The following SRD5A2 variants were observed in gnomAD, a reference collection of about 807,000 sequenced individuals.
SRD5A2 encodes 3-oxo-5-alpha-steroid 4-dehydrogenase 2.
In SRD5A2, 30 loss-of-function variants were observed where a neutral mutation model predicts 27.4. That is an observed-to-expected ratio of 1.10 (90% CI 0.82 to 1.49). The LOEUF is 1.49. Ranked by LOEUF, SRD5A2 falls within the 40% of genes most tolerant of loss-of-function variation. The pLI is 0.00. For missense variants in SRD5A2, 348 were observed against 323.4 expected (o/e 1.08, Z -0.58); for synonymous variants, 141 against 133.6 (o/e 1.06, Z -0.38).
At chr2:31,637,262 G>T in the SRD5A2 span, among the ~76,000 whole-genome samples, 1 of 151,994 alleles carries the variant, frequency 6.6e-6, no homozygotes, top group Non-Finnish European at 1.5e-5. Flanking sequence ...TTGGTTTGTA[G>T]TGGCTCATAA....
the SRD5A2 span, among the ~76,000 whole-genome samples, chr2:31,650,278 T>C: frequency 1.3e-5 from 2 of 152,088 alleles, no homozygotes; most frequent in East Asian, 3.9e-4. Context: ...TTTGTATTTA[T>C]AGATGGACAC....
the SRD5A2 span, among the ~76,000 whole-genome samples, chr2:31,636,690 C>T: frequency 6.6e-6 from 1 of 151,830 alleles, no homozygotes; most frequent in South Asian, 2.1e-4. Context: ...AAAGGGGTGC[C>T]GAATTTTATC....
At chr2:31,596,035 A>C in the SRD5A2 span, among the ~76,000 whole-genome samples, 2 of 152,162 alleles carry the variant, frequency 1.3e-5, no homozygotes. Flanking sequence ...CAGCAAAATC[A>C]GCATAGAAGA....
rs368886184 is a variant in SRD5A2, at chr2:31,580,602, G to A, written c.281+18C>T. On this transcript the variant is annotated intron_variant, in intron 1 of 4. Transcript: ENST00000622030. ...GGGCAGTGCGCTGCACTGGGCGCCCGCAAGGGAAAAACGCTACCTGTGGAA... is the reference window on the plus strand; with the variant it reads ...GGGCAGTGCGCTGCACTGGGCGCCCACAAGGGAAAAACGCTACCTGTGGAA... 83 of 1,516,518 alleles carry A rather than the reference G, an allele frequency of 5.5e-5. No homozygotes were observed. The highest frequency in any genetic ancestry group is 6.7e-5 in the Non-Finnish European group (76 of 1,135,870). 93.9% of individuals were successfully genotyped at this position (1,516,518 alleles called of 1,614,324 possible).
chr2:31,580,597 C>T (rs61750393), intron 1 of SRD5A2, 23 bp downstream of exon 1: 4 of 1,505,720 alleles, frequency 2.7e-6, no homozygotes, highest in East Asian at 2.4e-5. Context: ...CTGCACTGGG[C>T]GCCCGCAAGG....
chr2:31,662,890 G>A, the SRD5A2 span, among the ~76,000 whole-genome samples: 1 of 152,218 alleles, frequency 6.6e-6, no homozygotes, highest in East Asian at 1.9e-4. Context: ...GCCACTTGGT[G>A]ATCTGATTGG....
intron 1 of SRD5A2, among the ~76,000 whole-genome samples, chr2:31,562,225 T>C (rs979524022): frequency 1.1e-4 from 16 of 152,144 alleles, no homozygotes; most frequent in Non-Finnish European, 1.9e-4. Context: ...GTCTTTTTTT[T>C]CCTTTTTAAA....
chr2:31,629,431 T>C, the SRD5A2 span, among the ~76,000 whole-genome samples: 1 of 152,188 alleles, frequency 6.6e-6, no homozygotes, highest in Non-Finnish European at 1.5e-5. Flanking sequence ...TGGACCACTT[T>C]TGCTTGCTAT....
chr2:31,658,148 G>A, the SRD5A2 span, among the ~76,000 whole-genome samples: 3 of 151,980 alleles, frequency 2.0e-5, no homozygotes, highest in Non-Finnish European at 4.4e-5. Context: ...AAACAATTAA[G>A]GCAGAAATCA....
chr2:31,595,432 TG>T, the SRD5A2 span, among the ~76,000 whole-genome samples: 8 of 152,134 alleles, frequency 5.3e-5, no homozygotes, highest in African/African-American at 1.9e-4. Context: ...AACACTTCTA[TG>T]TGCATAAACT....
At chr2:31,551,769 A>G (rs1159064514) in intron 1 of SRD5A2, among the ~76,000 whole-genome samples, 2 of 152,228 alleles carry the variant, frequency 1.3e-5, no homozygotes. Context: ...AAAAAAAGTC[A>G]GAGTTCCTAT....
chr2:31,551,693 G>T (rs551037582), intron 1 of SRD5A2, among the ~76,000 whole-genome samples: 4 of 152,212 alleles, frequency 2.6e-5, no homozygotes, highest in African/African-American at 9.6e-5. Context: ...AAGTAGAACT[G>T]TTGAATTTCA....
At chr2:31,585,075 G>C (rs2148110300), upstream of SRD5A2, among the ~76,000 whole-genome samples, 1 of 152,300 alleles carries the variant, frequency 6.6e-6, no homozygotes, top group Non-Finnish European at 1.5e-5. Flanking sequence ...ACAAAGTTCA[G>C]CTGATGCCCA....
chr2:31,575,568 G>A (rs1666942390), intron 1 of SRD5A2, among the ~76,000 whole-genome samples: 1 of 152,152 alleles, frequency 6.6e-6, no homozygotes, highest in African/African-American at 2.4e-5. Context: ...GAAGGATGAG[G>A]AGAAATTCCG....
intron 1 of SRD5A2, among the ~76,000 whole-genome samples, chr2:31,580,417 G>A (rs1667047719): frequency 6.6e-6 from 1 of 152,198 alleles, no homozygotes; most frequent in South Asian, 2.1e-4. Flanking sequence ...CGGCGTCTGT[G>A]CCGCAGCCGC....
intron 1 of SRD5A2, among the ~76,000 whole-genome samples, chr2:31,536,880 C>T (rs1042223460): frequency 4.6e-5 from 7 of 152,148 alleles, no homozygotes; most frequent in African/African-American, 1.7e-4. Context: ...TTACCTCCTA[C>T]ACCTCTAATG....
intron 4 of SRD5A2, 122 bp downstream of exon 4, chr2:31,529,185 G>C: frequency 7.3e-7 from 1 of 1,362,206 alleles, no homozygotes. Context: ...CCAGATTATA[G>C]TATCAACCTT....
At chr2:31,557,099 T>G (rs565204532) in intron 1 of SRD5A2, among the ~76,000 whole-genome samples, 2 of 152,208 alleles carry the variant, frequency 1.3e-5, no homozygotes, top group Non-Finnish European at 2.9e-5. Context: ...GTGGCACTGA[T>G]TCCAGAGTAT....
At chr2:31,620,365 C>T in the SRD5A2 span, among the ~76,000 whole-genome samples, 1 of 152,012 alleles carries the variant, frequency 6.6e-6, no homozygotes, top group African/African-American at 2.4e-5. Context: ...AAATAAAGTG[C>T]ATTCAAATAG....
Sources: allele counts gnomAD v4.1 joint callset (sites outside exome capture counted in the v4.1 genomes callset), GRCh38; gene constraint gnomAD v4.1.1; transcripts MANE v1.5; gene names NCBI Gene and HGNC (gene_info 2026-07-23, HGNC 2026-07-21).